Variants in SCNN1B observed in about 807,000 individuals in gnomAD.
SCNN1B encodes the protein sodium channel epithelial 1 subunit beta.
SCNN1B carries 46 observed loss-of-function variants against 65.3 expected under a neutral mutation model. The ratio of observed to expected loss-of-function variants is 0.70; its 90% CI spans 0.56 to 0.90. The LOEUF (loss-of-function observed/expected upper bound fraction) is 0.90. Among genes scored for constraint, SCNN1B ranks in the 40% least tolerant of loss-of-function variants. The pLI is 0.00. For synonymous variants in SCNN1B, 349 were observed against 330.6 expected, an observed-to-expected ratio of 1.06 and a Z score of -0.60; for missense variants, 751 against 830.5, an observed-to-expected ratio of 0.90 and a Z score of 1.18.
intron 4 of SCNN1B, among the ~76,000 whole-genome samples, chr16:23,365,489 GAAAAGAAAGA>G (rs369089013): frequency 0.018 from 2,284 of 125,658 alleles, 32 homozygotes; most frequent in Middle Eastern, 0.063. Context: ...AGAAAAAGAA[GAAAAGAAAGA>G]AAAAGAAAGA....
chr16:23,292,847 G>T (rs941587745), intron 2 of SCNN1B, among the ~76,000 whole-genome samples: 1 of 150,444 alleles, frequency 6.6e-6, no homozygotes, highest in Non-Finnish European at 1.5e-5. Flanking sequence ...GGGTGCAGTG[G>T]CTCACGCCTG....
chr16:23,281,622 A>G (rs1960786117), intron 1 of SCNN1B, among the ~76,000 whole-genome samples: 1 of 152,174 alleles, frequency 6.6e-6, no homozygotes, highest in Non-Finnish European at 1.5e-5. Flanking sequence ...ACATATTCTC[A>G]CTTATAAGTG....
intron 7 of SCNN1B, among the ~76,000 whole-genome samples, chr16:23,373,012 C>A (rs2142040882): frequency 6.6e-6 from 1 of 152,002 alleles, no homozygotes; most frequent in Middle Eastern, 3.4e-3. Context: ...GGGGCTGAGG[C>A]AAGAGAATTG....
intron 2 of SCNN1B, among the ~76,000 whole-genome samples, chr16:23,351,009 G>A (rs1962298426): frequency 6.6e-6 from 1 of 152,174 alleles, no homozygotes; most frequent in Admixed American, 6.5e-5. Context: ...GGGAGGCCGA[G>A]GCTTAAGGAT....
chr16:23,375,800 G>C lies in SCNN1B; in HGVS notation c.1215G>C (p.Leu405=). 6.2e-7 allele frequency: 1 copy of C among 1,614,172 alleles called. No homozygotes were observed. The highest frequency in any genetic ancestry group is 1.1e-5 in the South Asian group (1 of 91,084). ...GTAACTGCAACTGTGGCCACTACCT[G>C]TACCCACTGCCCCGTGGGGAGAAAT... is the stretch of plus-strand genomic sequence containing the variant. ...MIRNCNCGHY[L]YPLPRGEKYC... is the part of the protein sequence containing the mutation. Residue 405 remains leucine (L), a synonymous_variant, in exon 8 of 13, where the codon CTG becomes CTC. Coordinates refer to ENST00000343070, the MANE Select transcript of SCNN1B (RefSeq NM_000336.3).
intron 1 of SCNN1B, among the ~76,000 whole-genome samples, chr16:23,304,264 C>CA (rs1567289639): frequency 6.6e-6 from 1 of 151,954 alleles, no homozygotes; most frequent in Non-Finnish European, 1.5e-5. Context: ...CACACACACA[C>CA]ATGCACACAT....
rs547361386 is a variant in SCNN1B, at chr16:23,375,877, C to T, written c.1270+22C>T. The T allele has an allele frequency of 4.5e-5, 67 of 1,493,834 alleles. No homozygotes were observed. In the East Asian group the frequency reaches 9.9e-4, roughly 22 times the overall value. The allele number at this position is 1,493,834 out of a possible 1,614,324, so 92.5% of individuals were successfully genotyped here. ...TGGGGTGAGCGGGGGCACGGGGGAT[C>T]GGCACTCCAGCCATCTGGGGCCACA... On this transcript the variant is annotated intron_variant, in intron 8 of 12. Transcript: ENST00000343070.
chr16:23,293,476 G>C (rs1960955266), intron 2 of SCNN1B, among the ~76,000 whole-genome samples: 1 of 152,154 alleles, frequency 6.6e-6, no homozygotes, highest in Admixed American at 6.5e-5. Flanking sequence ...CAAAATCATA[G>C]AGACAGGAAG....
intron 1 of SCNN1B, among the ~76,000 whole-genome samples, chr16:23,347,043 G>T (rs983877966): frequency 6.6e-6 from 1 of 152,158 alleles, no homozygotes; most frequent in Non-Finnish European, 1.5e-5. Context: ...GCTGCAGTGA[G>T]CCATGATCAT....
rs199672786 is a variant in SCNN1B, at chr16:23,348,568, G to A, written c.-8-24G>A. On this transcript the variant is annotated intron_variant, in intron 1 of 12. Coordinates refer to ENST00000343070, the MANE Select transcript of SCNN1B (RefSeq NM_000336.3). The surrounding 1 kb of genome is among the most constrained non-coding windows in gnomAD (Gnocchi z 4.5). ...AGGCAAGGCTGGTGTCCCAGCTGAT[G>A]TGCGTCCCCATGCCTCTCTGCAGGT... 6.2e-7 allele frequency: 1 copy of A among 1,610,860 alleles called. No homozygotes were observed. Among genetic ancestry groups the A allele is most frequent in the Admixed American group, 1.7e-5 (1 of 59,988 alleles).
At chr16:23,298,821 ACAT>A (rs1408461122), upstream of SCNN1B, among the ~76,000 whole-genome samples, 1 of 152,188 alleles carries the variant, frequency 6.6e-6, no homozygotes, top group African/African-American at 2.4e-5. Context: ...TGCCAGCCTA[ACAT>A]CAACCAGTCT....
intron 1 of SCNN1B, chr16:23,304,239 A>T (rs977531763): frequency 9.1e-6 from 6 of 658,296 alleles, no homozygotes; most frequent in Admixed American, 2.4e-5. Flanking sequence ...TCACATACGG[A>T]CCCATGAATG....
At chr16:23,296,909 C>A (rs1443808690) in intron 2 of SCNN1B, among the ~76,000 whole-genome samples, 3 of 151,520 alleles carry the variant, frequency 2.0e-5, no homozygotes, top group South Asian at 4.2e-4. Context: ...ATCGCTTTAA[C>A]CCAGGAGGCA....
upstream of SCNN1B, among the ~76,000 whole-genome samples, chr16:23,298,124 T>C (rs1961023133): frequency 6.6e-6 from 1 of 151,460 alleles, no homozygotes; most frequent in Non-Finnish European, 1.5e-5. Context: ...CAATAGAACA[T>C]TTTTTGGGGG....
intron 1 of SCNN1B, among the ~76,000 whole-genome samples, chr16:23,279,963 G>A (rs565370209): frequency 1.3e-5 from 2 of 152,228 alleles, no homozygotes; most frequent in East Asian, 1.9e-4. Flanking sequence ...GAGACTTGTC[G>A]GTTGAAAAGC....
chr16:23,344,397 G>C (rs999524048), intron 1 of SCNN1B, among the ~76,000 whole-genome samples: 1 of 152,188 alleles, frequency 6.6e-6, no homozygotes, highest in African/African-American at 2.4e-5. Context: ...CATTCTAGAG[G>C]CCCTTTATAT....
intron 4 of SCNN1B, among the ~76,000 whole-genome samples, chr16:23,365,283 CTT>C (rs1229515250): frequency 6.9e-6 from 1 of 144,968 alleles, no homozygotes; most frequent in Non-Finnish European, 1.5e-5. Context: ...CAGAGCAAGA[CTT>C]TGTCAAGAAA....
At chr16:23,378,571 C>T (rs1268121808) in intron 10 of SCNN1B, 135 bp from the exon 11 acceptor site, 1 of 782,322 alleles carries the variant, frequency 1.3e-6, no homozygotes, top group East Asian at 2.6e-5. Flanking sequence ...TCCTCCTGCT[C>T]CTCATCCAAA....
Position 23,371,284 on chromosome 16 carries a change from C to T in SCNN1B, c.881-15C>T. On this transcript the variant is annotated splice_polypyrimidine_tract_variant and intron_variant, in intron 5 of 12. Transcript: ENST00000343070. Reference sequence around the variant, plus strand: ...GGAGAAAGTTCAGGCAGCCCTCACCCCACCCTCCCCACAGGCCTGAAGTTG... The same window carrying T: ...GGAGAAAGTTCAGGCAGCCCTCACCTCACCCTCCCCACAGGCCTGAAGTTG... 1 of 1,613,716 alleles carries T rather than the reference C, an allele frequency of 6.2e-7. No individual in the cohort carries two copies. The highest frequency in any genetic ancestry group is 2.2e-5 in the East Asian group (1 of 44,854).
Sources: gnomAD v4.1 joint callset for allele counts (sites outside exome capture counted in the v4.1 genomes callset) on GRCh38, gnomAD v4.1.1 for gene constraint, Gnocchi (gnomAD v3.1) non-coding constraint, MANE v1.5 for transcripts, NCBI Gene and HGNC (gene_info 2026-07-23, HGNC 2026-07-21) for gene names.